The following ATXN1 variants were observed in gnomAD, a reference collection of about 807,000 sequenced individuals.
ATXN1 encodes the protein ataxin 1.
In ATXN1, 8 loss-of-function variants were observed where a neutral mutation model predicts 56.4. That is an observed-to-expected ratio of 0.14 (90% CI 0.08 to 0.26). ATXN1 has a LOEUF of 0.26. Ranked by LOEUF, ATXN1 falls within the 10% of genes least tolerant of loss-of-function variation. The pLI, the probability that ATXN1 is intolerant of heterozygous loss-of-function variation, is 1.00. For missense variants in ATXN1, 987 were observed against 1,106.5 expected, an observed-to-expected ratio of 0.89 and a Z score of 1.53; for synonymous variants, 514 against 494.6, an observed-to-expected ratio of 1.04 and a Z score of -0.52.
intron 6 of ATXN1, among the ~76,000 whole-genome samples, chr6:16,458,767 C>A (rs1226604229): frequency 1.3e-5 from 2 of 152,222 alleles, no homozygotes; most frequent in Admixed American, 6.5e-5. Flanking sequence ...TACTCCCTCA[C>A]CCATGTCCAC....
intron 2 of ATXN1, among the ~76,000 whole-genome samples, chr6:16,740,636 C>T (rs900982917): frequency 1.3e-5 from 2 of 152,218 alleles, no homozygotes; most frequent in African/African-American, 4.8e-5. Context: ...AAATCATTCT[C>T]TGTTTATCCA....
chr6:16,569,616 G>A (rs1762294984), intron 4 of ATXN1, among the ~76,000 whole-genome samples: 1 of 151,908 alleles, frequency 6.6e-6, no homozygotes, highest in African/African-American at 2.4e-5. Context: ...AAATTACAGG[G>A]TACTCATGGC....
chr6:16,467,066 G>A (rs553964242), intron 6 of ATXN1, among the ~76,000 whole-genome samples: 2 of 152,266 alleles, frequency 1.3e-5, no homozygotes, highest in South Asian at 2.1e-4. Context: ...CAAAGGAATG[G>A]AAATTTCAAA....
chr6:16,596,660 T>C (rs1319150264), intron 3 of ATXN1, among the ~76,000 whole-genome samples: 2 of 152,194 alleles, frequency 1.3e-5, no homozygotes, highest in Admixed American at 1.3e-4. Context: ...CAATTAGTCC[T>C]TCCCCTCCAC....
At chr6:16,609,228 A>G (rs1427104928) in intron 3 of ATXN1, among the ~76,000 whole-genome samples, 2 of 152,234 alleles carry the variant, frequency 1.3e-5, no homozygotes, top group East Asian at 1.9e-4. Context: ...AGAGCAGGCT[A>G]GCAAACCAGA....
chr6:16,543,632 T>TA (rs566914364), intron 4 of ATXN1, among the ~76,000 whole-genome samples: 20,647 of 106,284 alleles, frequency 0.19, 2,156 homozygotes, highest in Non-Finnish European at 0.25. Flanking sequence ...GCTATTTTCC[T>TA]AAAAAAAAAA....
intron 6 of ATXN1, among the ~76,000 whole-genome samples, chr6:16,342,353 AC>A (rs1227246672): frequency 7.9e-5 from 12 of 152,068 alleles, no homozygotes; most frequent in Admixed American, 2.0e-4. Flanking sequence ...AAAAAAAAAA[AC>A]AAAACAAAAA....
chr6:16,685,324 C>G (rs1053477363), intron 2 of ATXN1, among the ~76,000 whole-genome samples: 2 of 152,194 alleles, frequency 1.3e-5, no homozygotes, highest in East Asian at 3.8e-4. Flanking sequence ...ACGCCACCAC[C>G]TCCCCGCCCC....
intron 6 of ATXN1, among the ~76,000 whole-genome samples, chr6:16,370,660 T>TAA (rs1042834675): frequency 1.1e-4 from 17 of 152,346 alleles, no homozygotes; most frequent in Admixed American, 5.2e-4. Context: ...CATATATATA[T>TAA]AATTTTCTTT....
rs542875119 is a variant in ATXN1 at position 16,519,958 on chromosome 6, A to C, written c.-299+2669T>G. Among the ~76,000 whole-genome samples, 5 of 152,350 alleles carry C rather than the reference A, an allele frequency of 3.3e-5. No homozygotes were observed. The East Asian group carries it at 9.6e-4, about 29-fold the overall frequency. ...GGCAAGAGAGGATAAGGTGGGAAAT[A>C]AAAGAGGGTATCAGGGCTGCCCTCA... On this transcript the variant is annotated intron_variant, in intron 5 of 7. Coordinates refer to ENST00000436367, the MANE Select transcript of ATXN1 (RefSeq NM_001128164.2).
chr6:16,722,797 T>C (rs1317283516), intron 2 of ATXN1, among the ~76,000 whole-genome samples: 1 of 152,216 alleles, frequency 6.6e-6, no homozygotes, highest in Non-Finnish European at 1.5e-5. Flanking sequence ...AGTCAACACA[T>C]GTAATTTGCT....
chr6:16,660,935 T>C (rs943135438), intron 2 of ATXN1, among the ~76,000 whole-genome samples: 1 of 150,864 alleles, frequency 6.6e-6, no homozygotes, highest in Non-Finnish European at 1.5e-5. Context: ...GCCTTCTGGT[T>C]TCAAGCAATT....
rs369870821 is a variant in ATXN1 at position 16,611,849 on chromosome 6, A to ATTTTTTTT, written c.-488-25950_-488-25943dup. Among the ~76,000 whole-genome samples, 13 of 75,170 alleles carry ATTTTTTTT rather than the reference A, an allele frequency of 1.7e-4. 1 individual carries two copies. The highest frequency in any genetic ancestry group is 2.9e-4 in the African/African-American group (6 of 20,358). The allele number at this position is 75,170 out of a possible 152,430, so 49.3% of individuals were successfully genotyped here. ...GTCCTTGGAAAAATAAGCAGATGAAATTTTTTTTTTTTTTTTTTTTTTTTT... is the reference window on the plus strand; with the variant it reads ...GTCCTTGGAAAAATAAGCAGATGAAATTTTTTTTTTTTTTTTTTTTTTTTTTTTTTTTT... On this transcript the variant is annotated intron_variant, in intron 3 of 7. Coordinates refer to ENST00000436367, the MANE Select transcript of ATXN1 (RefSeq NM_001128164.2).
At chr6:16,511,107 A>AT (rs3840418) in intron 5 of ATXN1, among the ~76,000 whole-genome samples, 21,963 of 150,806 alleles carry the variant, frequency 0.15, 1,986 homozygotes, top group East Asian at 0.33. Context: ...AAAGCTTTTG[A>AT]TTTTTTTTTT....
intron 1 of ATXN1, among the ~76,000 whole-genome samples, chr6:16,756,880 G>T (rs1217543230): frequency 6.6e-6 from 1 of 152,200 alleles, no homozygotes; most frequent in Non-Finnish European, 1.5e-5. Flanking sequence ...ATGAGTGTTA[G>T]TGTTAGTCAT....
At chr6:16,365,479 G>A (rs1032752315) in intron 6 of ATXN1, among the ~76,000 whole-genome samples, 2 of 152,044 alleles carry the variant, frequency 1.3e-5, no homozygotes, top group Admixed American at 6.6e-5. Flanking sequence ...GCGCCTGGCC[G>A]AATTATTGGT....
intron 2 of ATXN1, among the ~76,000 whole-genome samples, chr6:16,677,428 T>TA (rs1283979254): frequency 6.6e-6 from 1 of 152,220 alleles, no homozygotes; most frequent in Non-Finnish European, 1.5e-5. Flanking sequence ...AATACTTAGA[T>TA]AAAAATTATT....
At chr6:16,493,085 T>G (rs537532155) in intron 5 of ATXN1, among the ~76,000 whole-genome samples, 2 of 152,144 alleles carry the variant, frequency 1.3e-5, no homozygotes, top group African/African-American at 4.8e-5. Context: ...TGTCAATGCT[T>G]TCTCTCTCTA....
chr6:16,417,229 C>G (rs755234445), intron 6 of ATXN1, among the ~76,000 whole-genome samples: 5 of 152,122 alleles, frequency 3.3e-5, no homozygotes, highest in Non-Finnish European at 7.3e-5. Flanking sequence ...GAGACAGGGT[C>G]TCACTATGTT....
Sources: allele counts gnomAD v4.1 joint callset (sites outside exome capture counted in the v4.1 genomes callset), GRCh38; gene constraint gnomAD v4.1.1; transcripts MANE v1.5; gene names NCBI Gene and HGNC (gene_info 2026-07-23, HGNC 2026-07-21).